CUX1: variants seen among roughly 807,000 people sequenced by gnomAD.
CUX1 encodes the protein protein CASP.
Under a neutral mutation model 158.8 loss-of-function variants are expected in CUX1, and 31 were observed. That is an observed-to-expected ratio of 0.20 (90% CI 0.15 to 0.26). The LOEUF is 0.26. Among genes scored for constraint, CUX1 ranks in the 10% least tolerant of loss-of-function variants. CUX1 has a pLI of 1.00. For synonymous variants in CUX1, 879 were observed against 862.1 expected (o/e 1.02, Z -0.34); for missense variants, 1,589 against 2,014.6 (o/e 0.79, Z 4.04).
At chr7:102,128,400 CG>C (rs1832875648) in intron 8 of CUX1, among the ~76,000 whole-genome samples, 2 of 151,922 alleles carry the variant, frequency 1.3e-5, no homozygotes, top group Non-Finnish European at 1.5e-5. Flanking sequence ...CGGATTGGGC[CG>C]GGTGCCAGGC....
intron 6 of CUX1, among the ~76,000 whole-genome samples, chr7:102,108,140 G>A (rs1042736653): frequency 1.3e-5 from 2 of 152,176 alleles, no homozygotes; most frequent in Non-Finnish European, 2.9e-5. Flanking sequence ...ATCCCTAACT[G>A]GGATGTTATG....
chr7:101,821,849 GTT>G, intron 1 of CUX1, among the ~76,000 whole-genome samples: 1 of 69,804 alleles, frequency 1.4e-5, no homozygotes, highest in African/African-American at 5.8e-5. Flanking sequence ...TAGTTTTTTT[GTT>G]TTTTTGTTTT....
intron 10 of CUX1, among the ~76,000 whole-genome samples, chr7:102,173,042 CAGAG>C (rs1791907351): frequency 6.6e-6 from 1 of 151,952 alleles, no homozygotes; most frequent in Non-Finnish European, 1.5e-5. Context: ...ACCTGGGCAA[CAGAG>C]AGAAACCCTG....
At chr7:102,176,191 G>C (rs1322803934) in intron 10 of CUX1, among the ~76,000 whole-genome samples, 1 of 152,222 alleles carries the variant, frequency 6.6e-6, no homozygotes, top group African/African-American at 2.4e-5. Context: ...AATGGTAAAG[G>C]CCTCATTTTC....
intron 2 of CUX1, among the ~76,000 whole-genome samples, chr7:101,978,404 G>A (rs1332057583): frequency 2.0e-5 from 3 of 152,022 alleles, no homozygotes; most frequent in South Asian, 4.1e-4. Flanking sequence ...CCTCTCCCCC[G>A]ACATGCCTGG....
intron 2 of CUX1, among the ~76,000 whole-genome samples, chr7:101,992,946 G>C (rs1364080661): frequency 1.3e-5 from 2 of 152,162 alleles, no homozygotes; most frequent in African/African-American, 4.8e-5. Context: ...ACCCCGAGGG[G>C]GCCCTGGTCA....
At chr7:102,087,524 G>A (rs1828070906) in intron 4 of CUX1, among the ~76,000 whole-genome samples, 1 of 152,104 alleles carries the variant, frequency 6.6e-6, no homozygotes, top group South Asian at 2.1e-4. Context: ...AGGTTGCGGC[G>A]AGCTGAGTTC....
chr7:102,038,586 C>A (rs1238697526), intron 3 of CUX1, among the ~76,000 whole-genome samples: 1 of 152,154 alleles, frequency 6.6e-6, no homozygotes, highest in Non-Finnish European at 1.5e-5. Context: ...TTTTTGAAAG[C>A]CAATTTGGCA....
At chr7:101,840,861 T>C (rs1432387574) in intron 1 of CUX1, among the ~76,000 whole-genome samples, 1 of 151,894 alleles carries the variant, frequency 6.6e-6, no homozygotes, top group Non-Finnish European at 1.5e-5. Flanking sequence ...TTTTGGTCTA[T>C]TGAGGTTTTC....
intron 1 of CUX1, chr7:101,824,801 A>C (rs913903749): frequency 2.0e-5 from 3 of 152,226 alleles, no homozygotes; most frequent in Non-Finnish European, 2.9e-5. Flanking sequence ...TACTATGTAA[A>C]TGAAAATTAA....
chr7:102,027,647 G>A (rs907534144), intron 2 of CUX1, among the ~76,000 whole-genome samples: 7 of 152,142 alleles, frequency 4.6e-5, no homozygotes, highest in Non-Finnish European at 8.8e-5. Context: ...CATCTCTTAA[G>A]CCCAGGAGTT....
chr7:102,141,716 G>A (rs555751780), intron 8 of CUX1, among the ~76,000 whole-genome samples: 3 of 152,090 alleles, frequency 2.0e-5, no homozygotes, highest in African/African-American at 7.2e-5. Flanking sequence ...TGTGCCTCCC[G>A]GGTTCAAGCA....
intron 8 of CUX1, among the ~76,000 whole-genome samples, chr7:102,119,873 G>A (rs1273959188): frequency 6.6e-6 from 1 of 152,142 alleles, no homozygotes; most frequent in Non-Finnish European, 1.5e-5. Flanking sequence ...TAAAAACATA[G>A]CTCCTTCTCA....
intron 1 of CUX1, among the ~76,000 whole-genome samples, chr7:101,890,754 T>A (rs1024077765): frequency 1.2e-4 from 19 of 152,126 alleles, no homozygotes; most frequent in Non-Finnish European, 2.8e-4. Context: ...AACTCTGATT[T>A]AACCTCTATT....
At chr7:102,071,284 GAAGA>G (rs1239247085) in intron 4 of CUX1, among the ~76,000 whole-genome samples, 1 of 152,164 alleles carries the variant, frequency 6.6e-6, no homozygotes, top group African/African-American at 2.4e-5. Context: ...TAGAGGGATT[GAAGA>G]ATTAAAATTT....
intron 2 of CUX1, among the ~76,000 whole-genome samples, chr7:101,940,222 G>A (rs987863740): frequency 2.7e-5 from 4 of 149,742 alleles, no homozygotes; most frequent in Non-Finnish European, 5.9e-5. Flanking sequence ...CCTGGGTGAC[G>A]GAGGGAGACC....
intron 2 of CUX1, among the ~76,000 whole-genome samples, chr7:101,946,328 C>T (rs960589614): frequency 2.0e-5 from 3 of 152,072 alleles, no homozygotes; most frequent in African/African-American, 7.2e-5. Flanking sequence ...CACCTGAGGT[C>T]AGGAGTTCAT....
chr7:102,058,636 A>G (rs1354334035), intron 3 of CUX1, among the ~76,000 whole-genome samples: 1 of 152,142 alleles, frequency 6.6e-6, no homozygotes, highest in Non-Finnish European at 1.5e-5. Context: ...TCTTTGAGGT[A>G]TACCCGTATA....
intron 1 of CUX1, among the ~76,000 whole-genome samples, chr7:101,840,954 C>T (rs570127714): frequency 2.5e-4 from 38 of 151,858 alleles, no homozygotes; most frequent in Middle Eastern, 3.4e-3. Flanking sequence ...AGTGCAGTGG[C>T]GCGATCTCAG....
Sources: gnomAD v4.1 joint callset for allele counts (sites outside exome capture counted in the v4.1 genomes callset) on GRCh38, gnomAD v4.1.1 for gene constraint, MANE v1.5 for transcripts, NCBI Gene and HGNC (gene_info 2026-07-23, HGNC 2026-07-21) for gene names.